NRXN3: variants seen among roughly 807,000 people sequenced by gnomAD.
The protein encoded by NRXN3 is neurexin III.
Under a neutral mutation model 137.6 loss-of-function variants are expected in NRXN3, and 32 were observed. That is an observed-to-expected ratio of 0.23 (90% CI 0.18 to 0.31). The LOEUF (loss-of-function observed/expected upper bound fraction) is 0.31, where lower values mean the gene tolerates loss of function less well. NRXN3 is among the 10% of genes least tolerant of loss of function. The pLI, the probability that NRXN3 is intolerant of heterozygous loss-of-function variation, is 1.00. For synonymous variants in NRXN3, 798 were observed against 784.5 expected, an observed-to-expected ratio of 1.02 and a Z score of -0.29; for missense variants, 1,574 against 2,062.5, an observed-to-expected ratio of 0.76 and a Z score of 4.59.
At chr14:79,737,454 A>T (rs1373514373) in intron 19 of NRXN3, among the ~76,000 whole-genome samples, 1 of 152,230 alleles carries the variant, frequency 6.6e-6, no homozygotes, top group East Asian at 1.9e-4. Context: ...GATTAAAAAC[A>T]TTAACTATAG....
chr14:78,634,579 A>G (rs1004626805), intron 4 of NRXN3, among the ~76,000 whole-genome samples: 36 of 152,254 alleles, frequency 2.4e-4, no homozygotes, highest in African/African-American at 8.0e-4. Context: ...AACCTATAGT[A>G]GAGGATATTG....
intron 4 of NRXN3, among the ~76,000 whole-genome samples, chr14:78,399,478 C>T (rs1016402069): frequency 3.3e-5 from 5 of 152,178 alleles, no homozygotes; most frequent in Admixed American, 6.5e-5. Context: ...TTTGGAAATA[C>T]GAAGGTTCCC....
intron 4 of NRXN3, among the ~76,000 whole-genome samples, chr14:78,474,429 T>C (rs776203287): frequency 6.6e-6 from 1 of 152,150 alleles, no homozygotes; most frequent in Non-Finnish European, 1.5e-5. Context: ...AGGCATTTAT[T>C]AAAAATGTGG....
At chr14:78,932,905 CTTGGAGTTG>C (rs2099326323) in intron 10 of NRXN3, among the ~76,000 whole-genome samples, 1 of 152,132 alleles carries the variant, frequency 6.6e-6, no homozygotes. Context: ...AGTCAGAGTT[CTTGGAGTTG>C]TTGAATTATA....
chr14:79,029,127 A>C (rs2099603251), intron 15 of NRXN3, among the ~76,000 whole-genome samples: 2 of 152,106 alleles, frequency 1.3e-5, no homozygotes, highest in African/African-American at 4.8e-5. Flanking sequence ...GAGGGAGGAA[A>C]TAAAAGAAAA....
At chr14:79,511,449 G>C (rs527666334) in intron 16 of NRXN3, among the ~76,000 whole-genome samples, 2 of 152,174 alleles carry the variant, frequency 1.3e-5, no homozygotes, top group Non-Finnish European at 2.9e-5. Flanking sequence ...GAAGCATTGC[G>C]TCTCTAAGCA....
At chr14:78,552,206 T>C (rs997454538) in intron 4 of NRXN3, among the ~76,000 whole-genome samples, 1 of 152,254 alleles carries the variant, frequency 6.6e-6, no homozygotes, top group African/African-American at 2.4e-5. Flanking sequence ...TTTGTAAGAA[T>C]GTGGAAAATA....
In NRXN3 at chr14:79,391,831, A is replaced by C. The variant is rs77390682; in HGVS notation, c.3263-75390A>C. On this transcript the variant is annotated intron_variant, in intron 15 of 20. Transcript: ENST00000335750. ...TGCTGTTGCCTCTTTTCAACTGCACATGTCATAATTCATCCATCCAGATCA... is the reference window on the plus strand; with the variant it reads ...TGCTGTTGCCTCTTTTCAACTGCACCTGTCATAATTCATCCATCCAGATCA... Among the ~76,000 whole-genome samples the C allele has an allele frequency of 9.8e-4, 149 of 152,332 alleles. 1 individual carries two copies. The highest frequency in any genetic ancestry group is 3.5e-3 in the African/African-American group (145 of 41,576).
intron 1 of NRXN3, among the ~76,000 whole-genome samples, chr14:78,221,527 G>C (rs2063849192): frequency 6.6e-6 from 1 of 152,170 alleles, no homozygotes; most frequent in Admixed American, 6.5e-5. Flanking sequence ...GAGTAATCTT[G>C]GGGTGATATA....
At chr14:79,436,521 G>C (rs750273953) in intron 15 of NRXN3, among the ~76,000 whole-genome samples, 1 of 152,102 alleles carries the variant, frequency 6.6e-6, no homozygotes, top group Non-Finnish European at 1.5e-5. Flanking sequence ...CCACTGGCTT[G>C]TTTCTATTTC....
At chr14:78,643,878 C>A (rs1421766776) in intron 4 of NRXN3, among the ~76,000 whole-genome samples, 1 of 152,298 alleles carries the variant, frequency 6.6e-6, no homozygotes, top group East Asian at 1.9e-4. Flanking sequence ...TGCAGTGGCT[C>A]ACGCCTGTAA....
chr14:79,620,465 C>G (rs181626264), intron 16 of NRXN3, among the ~76,000 whole-genome samples: 10 of 152,092 alleles, frequency 6.6e-5, no homozygotes, highest in African/African-American at 2.2e-4. Context: ...GAAGGGAAAA[C>G]TTATTAGGAT....
At chr14:78,656,168 A>G (rs896727596) in intron 6 of NRXN3, among the ~76,000 whole-genome samples, 10 of 152,190 alleles carry the variant, frequency 6.6e-5, no homozygotes, top group African/African-American at 2.4e-4. Context: ...TACAAATATG[A>G]GTCAAACATG....
chr14:79,511,261 C>T (rs1037872347), intron 16 of NRXN3, among the ~76,000 whole-genome samples: 2 of 152,144 alleles, frequency 1.3e-5, no homozygotes, highest in African/African-American at 2.4e-5. Flanking sequence ...CTCCCCAGCA[C>T]GTCTCTAAGG....
chr14:78,199,775 G>T (rs1157614976), intron 1 of NRXN3, among the ~76,000 whole-genome samples: 1 of 152,222 alleles, frequency 6.6e-6, no homozygotes, highest in Non-Finnish European at 1.5e-5. Flanking sequence ...AGCCCTGAAG[G>T]CTGTTGTGTT....
intron 15 of NRXN3, among the ~76,000 whole-genome samples, chr14:79,069,348 T>A (rs1265783423): frequency 6.6e-6 from 1 of 152,126 alleles, no homozygotes; most frequent in African/African-American, 2.4e-5. Context: ...CCAGTTGGTA[T>A]GAAGACATTA....
intron 1 of NRXN3, among the ~76,000 whole-genome samples, chr14:78,176,276 A>G (rs111676421): frequency 2.0e-5 from 3 of 152,186 alleles, no homozygotes; most frequent in African/African-American, 7.2e-5. Context: ...TCCCTCTAAT[A>G]TTAGTAATCA....
intron 15 of NRXN3, among the ~76,000 whole-genome samples, chr14:79,234,237 A>G (rs1485831573): frequency 7.0e-6 from 1 of 143,038 alleles, no homozygotes. Context: ...TCCCTTAAAT[A>G]TCAGTCCTAT....
chr14:78,246,553 G>A (rs2067707730), intron 2 of NRXN3, among the ~76,000 whole-genome samples: 1 of 152,180 alleles, frequency 6.6e-6, no homozygotes, highest in Non-Finnish European at 1.5e-5. Context: ...AGGTTGAGGT[G>A]AGAGAGGATG....
Sources: allele counts gnomAD v4.1 joint callset (sites outside exome capture counted in the v4.1 genomes callset), GRCh38; gene constraint gnomAD v4.1.1; transcripts MANE v1.5; gene names NCBI Gene and HGNC (gene_info 2026-07-23, HGNC 2026-07-21).